The following DMD variants were observed in gnomAD, a reference collection of about 807,000 sequenced individuals.
The protein encoded by DMD is mutant dystrophin.
DMD carries 63 observed loss-of-function variants against 330.1 expected under a neutral mutation model. The ratio of observed to expected loss-of-function variants is 0.19; its 90% CI spans 0.16 to 0.24. DMD has a LOEUF of 0.24. Among genes scored for constraint, DMD ranks in the 10% least tolerant of loss-of-function variants. The probability of loss-of-function intolerance (pLI) is 1.00; values close to 1 mark genes in which losing one functional copy is unlikely to be tolerated. For synonymous variants in DMD, 1,223 were observed against 959.8 expected (o/e 1.27, Z -5.07); for missense variants, 3,344 against 2,684.1 (o/e 1.25, Z -5.43).
intron 34 of DMD, among the ~76,000 whole-genome samples, chrX:32,379,864 T>C (rs945290296): frequency 1.8e-5 from 2 of 110,963 alleles, no homozygotes; most frequent in East Asian, 5.6e-4. Context: ...GTTATCAATA[T>C]CAGCTATTTT....
intron 22 of DMD, among the ~76,000 whole-genome samples, chrX:32,469,653 T>A: frequency 9.0e-6 from 1 of 111,601 alleles, no homozygotes; most frequent in Non-Finnish European, 1.9e-5. Flanking sequence ...TTAGACAATA[T>A]CTAGCATATA....
intron 4 of DMD, among the ~76,000 whole-genome samples, chrX:32,832,901 C>T (rs866782499): frequency 2.7e-5 from 3 of 111,150 alleles, no homozygotes; most frequent in East Asian, 2.8e-4. Flanking sequence ...TCCTTATCTC[C>T]GTATTTCAAG....
intron 1 of DMD, among the ~76,000 whole-genome samples, chrX:33,055,055 A>G (rs1444027025): frequency 8.9e-6 from 1 of 111,932 alleles, no homozygotes; most frequent in African/African-American, 3.2e-5. Flanking sequence ...TTTTGATGAG[A>G]TCAAGAAAAA....
intron 60 of DMD, among the ~76,000 whole-genome samples, chrX:31,393,965 G>C (rs1334335937): frequency 8.9e-6 from 1 of 112,437 alleles, no homozygotes; most frequent in Non-Finnish European, 1.9e-5. Context: ...ACAAGATGAT[G>C]ATACTATCAA....
In DMD at chrX:32,970,440, T is replaced by C. The variant is rs184695583; in HGVS notation, c.93+49699A>G. 4.3e-4 allele frequency among the ~76,000 whole-genome samples: 40 copies of C among 93,312 alleles called. 3 individuals carry two copies. The highest frequency in any genetic ancestry group is 6.7e-4 in the Non-Finnish European group (33 of 49,182). 81.0% of individuals were successfully genotyped at this position (93,312 alleles called of 115,157 possible). On this transcript the variant is annotated intron_variant, in intron 2 of 78. Transcript: ENST00000357033. ...ATCTCATGTACCCCATAAATATATA[T>C]ATCTATTGTGTACCCACAAAAATAA...
chrX:31,884,805 A>G (rs1048850807), intron 47 of DMD, among the ~76,000 whole-genome samples: 5 of 111,990 alleles, frequency 4.5e-5, no homozygotes, highest in African/African-American at 1.6e-4. Flanking sequence ...GAAAATTTAA[A>G]AATTTACACA....
intron 17 of DMD, among the ~76,000 whole-genome samples, chrX:32,524,245 C>A (rs1483062205): frequency 8.9e-6 from 1 of 111,735 alleles, no homozygotes; most frequent in East Asian, 2.8e-4. Context: ...CAGAAGAAAT[C>A]TTGTAACACT....
chrX:32,950,371 G>GT (rs2091175185), intron 2 of DMD, among the ~76,000 whole-genome samples: 1 of 111,314 alleles, frequency 9.0e-6, no homozygotes, highest in African/African-American at 3.3e-5. Context: ...TATGGAGGTA[G>GT]TAAGTAGCAA....
chrX:31,229,898 G>T (rs967074848), intron 63 of DMD, among the ~76,000 whole-genome samples: 12 of 112,113 alleles, frequency 1.1e-4, no homozygotes, highest in African/African-American at 3.2e-4. Flanking sequence ...AAACTCACTA[G>T]AACAGACAAG....
At chrX:32,480,597 C>CTGTGTGTGTACATACACAGTATGTGTT (rs2041783516) in intron 21 of DMD, among the ~76,000 whole-genome samples, 1 of 111,110 alleles carries the variant, frequency 9.0e-6, no homozygotes, top group African/African-American at 3.3e-5. Flanking sequence ...CAGTATGTGT[C>CTGTGTGTGTACATACACAGTATGTGTT]TGTGTGTGTA....
intron 51 of DMD, among the ~76,000 whole-genome samples, chrX:31,760,596 G>A (rs2089498099): frequency 9.0e-6 from 1 of 111,553 alleles, no homozygotes; most frequent in Admixed American, 9.5e-5. Context: ...ATGTATAGTA[G>A]GATGTACCAT....
At chrX:32,156,108 A>T (rs974602216) in intron 44 of DMD, among the ~76,000 whole-genome samples, 1 of 112,167 alleles carries the variant, frequency 8.9e-6, no homozygotes, top group Non-Finnish European at 1.9e-5. Context: ...TTGCCTGGGC[A>T]CGGTGGCTCA....
intron 55 of DMD, among the ~76,000 whole-genome samples, chrX:31,540,916 A>G (rs1286532368): frequency 8.9e-6 from 1 of 112,555 alleles, no homozygotes; most frequent in Non-Finnish European, 1.9e-5. Context: ...TTCTGCTCAG[A>G]AAGAAGTAAG....
At chrX:32,588,536 G>A (rs2054538846) in intron 13 of DMD, among the ~76,000 whole-genome samples, 1 of 111,651 alleles carries the variant, frequency 9.0e-6, no homozygotes, top group South Asian at 3.8e-4. Context: ...AGACTGGTAG[G>A]AGTCAGGTAA....
At chrX:32,834,025 C>T (rs920450531) in intron 4 of DMD, among the ~76,000 whole-genome samples, 25 of 110,818 alleles carry the variant, frequency 2.3e-4, no homozygotes, top group Admixed American at 9.7e-4. Flanking sequence ...TTAATGAATA[C>T]GAGATTATGT....
chrX:32,031,391 G>T (rs2095881817), intron 44 of DMD, among the ~76,000 whole-genome samples: 1 of 111,034 alleles, frequency 9.0e-6, no homozygotes, highest in Admixed American at 9.7e-5. Context: ...GATTGCACTG[G>T]TTCATCTGGG....
At chrX:31,282,566 T>C (rs1185776911) in intron 62 of DMD, among the ~76,000 whole-genome samples, 1 of 111,783 alleles carries the variant, frequency 8.9e-6, no homozygotes, top group Non-Finnish European at 1.9e-5. Context: ...AAAAAATCCA[T>C]TATTTAACAG....
chrX:32,759,854 GGGGGGCGGGGGA>G (rs1358894422), intron 7 of DMD, among the ~76,000 whole-genome samples: 8 of 62,948 alleles, frequency 1.3e-4, no homozygotes, highest in African/African-American at 5.2e-4. Context: ...GGGGGGGGGG[GGGGGGCGGGGGA>G]AGACCCAGGC....
At chrX:31,441,988 G>T (rs61370674) in intron 60 of DMD, among the ~76,000 whole-genome samples, 11,863 of 111,827 alleles carry the variant, frequency 0.11, 1,137 homozygotes, top group African/African-American at 0.3. Flanking sequence ...TTCAAAAATA[G>T]AAACATGAAA....
Sources: allele counts gnomAD v4.1 joint callset (sites outside exome capture counted in the v4.1 genomes callset), GRCh38; gene constraint gnomAD v4.1.1; transcripts MANE v1.5; gene names NCBI Gene and HGNC (gene_info 2026-07-23, HGNC 2026-07-21).